Variants in TCERG1L observed in about 807,000 individuals in gnomAD.
TCERG1L encodes the protein transcription elongation regulator 1-like protein.
Under a neutral mutation model 56.3 loss-of-function variants are expected in TCERG1L, and 37 were observed. The ratio of observed to expected loss-of-function variants is 0.66; its 90% CI spans 0.51 to 0.87. The LOEUF is 0.87. TCERG1L is among the 40% of genes least tolerant of loss of function. The probability of loss-of-function intolerance (pLI) is 0.00; values close to 1 mark genes in which losing one functional copy is unlikely to be tolerated. For missense variants in TCERG1L, 799 were observed against 774.2 expected, an observed-to-expected ratio of 1.03 and a Z score of -0.38; for synonymous variants, 324 against 326.3, an observed-to-expected ratio of 0.99 and a Z score of 0.08.
At chr10:131,272,222 C>A (rs1302416927) in intron 3 of TCERG1L, among the ~76,000 whole-genome samples, 1 of 152,174 alleles carries the variant, frequency 6.6e-6, no homozygotes, top group Non-Finnish European at 1.5e-5. Flanking sequence ...ATCAGGAAAT[C>A]CATCAGGAAT....
intron 4 of TCERG1L, among the ~76,000 whole-genome samples, chr10:131,199,925 C>T (rs1287163884): frequency 2.0e-5 from 3 of 152,216 alleles, no homozygotes; most frequent in Non-Finnish European, 4.4e-5. Context: ...CTCACTCTGG[C>T]TCTAGCAAAG....
chr10:131,245,602 C>T (rs756637815), intron 4 of TCERG1L, among the ~76,000 whole-genome samples: 6 of 152,196 alleles, frequency 3.9e-5, no homozygotes, highest in Non-Finnish European at 8.8e-5. Context: ...TGGGAAACTA[C>T]GTGTCCTGCC....
intron 4 of TCERG1L, among the ~76,000 whole-genome samples, chr10:131,248,216 T>TCACACACAACTCACA (rs796255374): frequency 6.9e-6 from 1 of 144,670 alleles, no homozygotes; most frequent in African/African-American, 2.6e-5. Flanking sequence ...CACAACTCTC[T>TCACACACAACTCACA]CACACACAAC....
chr10:131,196,951 G>T (rs1845370962), intron 4 of TCERG1L, among the ~76,000 whole-genome samples: 1 of 152,176 alleles, frequency 6.6e-6, no homozygotes, highest in Admixed American at 6.5e-5. Flanking sequence ...ATGAAAGGCA[G>T]AACAAGGGAC....
At chr10:131,245,655 G>A (rs975699642) in intron 4 of TCERG1L, among the ~76,000 whole-genome samples, 1 of 152,236 alleles carries the variant, frequency 6.6e-6, no homozygotes, top group African/African-American at 2.4e-5. Flanking sequence ...ACCTTCAGTG[G>A]CGACAGCCCA....
intron 6 of TCERG1L, 53 bp downstream of exon 6, chr10:131,163,069 C>A (rs1431050493): frequency 1.4e-6 from 2 of 1,391,830 alleles, no homozygotes; most frequent in South Asian, 1.5e-5. Context: ...CAGGCAAATG[C>A]CAGGACCAGA....
intron 7 of TCERG1L, among the ~76,000 whole-genome samples, chr10:131,143,524 G>A (rs924279341): frequency 1.3e-5 from 2 of 152,138 alleles, no homozygotes; most frequent in African/African-American, 4.8e-5. Flanking sequence ...TGGCCCCCGT[G>A]GCCAAAGCAA....
At chr10:131,188,930 C>A (rs1422307745) in intron 4 of TCERG1L, among the ~76,000 whole-genome samples, 1 of 152,166 alleles carries the variant, frequency 6.6e-6, no homozygotes. Flanking sequence ...TATATCTTTT[C>A]TATCCCTTTT....
chr10:131,302,333 T>C (rs1278503592), intron 3 of TCERG1L, among the ~76,000 whole-genome samples: 4 of 151,420 alleles, frequency 2.6e-5, no homozygotes, highest in Non-Finnish European at 5.9e-5. Context: ...GAAATTTGTT[T>C]TTTTGTTTTT....
intron 4 of TCERG1L, among the ~76,000 whole-genome samples, chr10:131,253,775 T>C (rs1203366659): frequency 6.6e-6 from 1 of 152,072 alleles, no homozygotes; most frequent in East Asian, 1.9e-4. Flanking sequence ...TGTGGCTGGA[T>C]GCTGTTCAAT....
intron 9 of TCERG1L, among the ~76,000 whole-genome samples, chr10:131,112,052 G>A (rs971528687): frequency 7.0e-6 from 1 of 142,608 alleles, no homozygotes; most frequent in African/African-American, 2.5e-5. Flanking sequence ...CTGGTCTCAG[G>A]AAAATTGACC....
chr10:131,158,905 CG>C (rs1845949559), intron 6 of TCERG1L, among the ~76,000 whole-genome samples: 1 of 152,230 alleles, frequency 6.6e-6, no homozygotes, highest in African/African-American at 2.4e-5. Context: ...GCTTCCTCTG[CG>C]GCCATGCCTG....
At chr10:131,247,456 C>A (rs1430575841) in intron 4 of TCERG1L, among the ~76,000 whole-genome samples, 6 of 152,164 alleles carry the variant, frequency 3.9e-5, no homozygotes, top group Admixed American at 6.5e-5. Flanking sequence ...GAGCTCCTTC[C>A]TTAAGTGTCC....
rs962812653 is a variant in TCERG1L at position 131,103,594 on chromosome 10, G to A, written c.1485+671C>T. On this transcript the variant is annotated intron_variant, in intron 10 of 11. Transcript: ENST00000368642. The surrounding 1 kb of genome is among the most constrained non-coding windows in gnomAD (Gnocchi z 4.3). ...TAGTCTCAGCTGCTCAGGAGGCTGA[G>A]GTGGGAGGATGGCTTGATCCCAGAA... 2.0e-5 allele frequency among the ~76,000 whole-genome samples: 3 copies of A among 152,222 alleles called. No homozygotes were observed. Among genetic ancestry groups the A allele is most frequent in the Admixed American group, 2.0e-4 (3 of 15,288 alleles).
At chr10:131,307,815 C>A (rs930263961) in intron 3 of TCERG1L, among the ~76,000 whole-genome samples, 2 of 152,130 alleles carry the variant, frequency 1.3e-5, no homozygotes, top group East Asian at 3.9e-4. Context: ...CATGTTCCTG[C>A]GTCCTACAGA....
rs755448339 is a variant in TCERG1L, at chr10:131,190,691, C to T, written c.857-23806G>A. On this transcript the variant is annotated intron_variant, in intron 4 of 11. Coordinates refer to ENST00000368642, the MANE Select transcript of TCERG1L (RefSeq NM_174937.4). ...ACCTCTTTATGATAAAAACTCCCAA[C>T]AAACTAGGCATAGAAGGGACCTACT... is the stretch of plus-strand genomic sequence containing the variant. Among the ~76,000 whole-genome samples, 3 of 143,628 alleles carry T rather than the reference C, an allele frequency of 2.1e-5. 1 individual carries two copies. Among genetic ancestry groups the T allele is most frequent in the South Asian group, 2.1e-4 (1 of 4,654 alleles). The allele number at this position is 143,628 out of a possible 152,430, so 94.2% of individuals were successfully genotyped here.
chr10:131,140,978 T>G (rs1232500116), intron 7 of TCERG1L, among the ~76,000 whole-genome samples: 1 of 152,208 alleles, frequency 6.6e-6, no homozygotes, highest in East Asian at 1.9e-4. Flanking sequence ...TTCTCTGTAT[T>G]CCTAGATTGC....
chr10:131,195,425 C>A (rs1392252018), intron 4 of TCERG1L, among the ~76,000 whole-genome samples: 1 of 152,174 alleles, frequency 6.6e-6, no homozygotes, highest in Non-Finnish European at 1.5e-5. Context: ...AGACGGAAAC[C>A]AAAAAGGAGG....
At position 131,260,343 on chromosome 10, in the gene TCERG1L, C is replaced by A. The variant is rs1173951939; in HGVS notation, c.772G>T (p.Gly258Cys). ...MVSVDPENLR[G>C]PSPSSVQPRH... Reference sequence around the variant, plus strand: ...GGCTGCACGCTGGAGGGGGACGGGCCCCGGAGGTTCTCAGGGTCCACGGAG... The same window carrying A: ...GGCTGCACGCTGGAGGGGGACGGGCACCGGAGGTTCTCAGGGTCCACGGAG... The change falls in exon 4 of 12, where the codon GGC (glycine) becomes TGC (cysteine). Residue 258 changes from glycine to cysteine, a missense_variant. Physicochemically the swap from Gly to Cys is radical, Grantham distance 159. Coordinates refer to ENST00000368642, the MANE Select transcript of TCERG1L (RefSeq NM_174937.4). This position sits in a 1 kb window ranked among gnomAD's most constrained non-coding sequence, Gnocchi z 5.8. The A allele has an allele frequency of 6.8e-7, 1 of 1,480,906 alleles. No homozygotes were observed. Among genetic ancestry groups the A allele is most frequent in the Non-Finnish European group, 8.9e-7 (1 of 1,123,774 alleles). The allele number at this position is 1,480,906 out of a possible 1,614,324, so 91.7% of individuals were successfully genotyped here. A position where few individuals can be genotyped will look rare whatever the true frequency, so the allele number is the denominator to read the frequency against.
Sources: gnomAD v4.1 joint callset for allele counts (sites outside exome capture counted in the v4.1 genomes callset) on GRCh38, gnomAD v4.1.1 for gene constraint, Gnocchi (gnomAD v3.1) non-coding constraint, MANE v1.5 for transcripts, NCBI Gene and HGNC (gene_info 2026-07-23, HGNC 2026-07-21) for gene names.